Variants in CSMD3 observed in about 807,000 individuals in gnomAD.
CSMD3 encodes the protein CUB and Sushi multiple domains 3, also known as CUB and sushi domain-containing protein 3.
A neutral mutation model predicts 435.2 loss-of-function variants in CSMD3; 177 were observed. That is an observed-to-expected ratio of 0.41 (90% CI 0.36 to 0.46). CSMD3 has a LOEUF of 0.46. CSMD3 is among the 20% of genes least tolerant of loss of function. The pLI, the probability that CSMD3 is intolerant of heterozygous loss-of-function variation, is 0.34. For missense variants in CSMD3, 4,265 were observed against 4,504.6 expected (o/e 0.95, Z 1.52); for synonymous variants, 1,656 against 1,520.5 (o/e 1.09, Z -2.07).
chr8:113,038,023 G>GA (rs2087434423), intron 5 of CSMD3, among the ~76,000 whole-genome samples: 1 of 152,154 alleles, frequency 6.6e-6, no homozygotes, highest in Admixed American at 6.5e-5. Flanking sequence ...CTGTCATAGG[G>GA]AAAACATCAG....
chr8:113,323,282 T>G (rs2093961353), intron 1 of CSMD3, among the ~76,000 whole-genome samples: 1 of 152,148 alleles, frequency 6.6e-6, no homozygotes, highest in Non-Finnish European at 1.5e-5. Context: ...CTGTAGACAT[T>G]GAACACTCTT....
At chr8:112,296,468 G>A (rs1165204899) in intron 53 of CSMD3, among the ~76,000 whole-genome samples, 1 of 151,862 alleles carries the variant, frequency 6.6e-6, no homozygotes, top group Non-Finnish European at 1.5e-5. Flanking sequence ...GGTTAATGGC[G>A]TGAACCGGAA....
intron 45 of CSMD3, among the ~76,000 whole-genome samples, chr8:112,321,025 C>T (rs1822952212): frequency 6.6e-6 from 1 of 152,130 alleles, no homozygotes; most frequent in African/African-American, 2.4e-5. Context: ...CTACTATCCT[C>T]ACATGACATC....
intron 9 of CSMD3, among the ~76,000 whole-genome samples, chr8:112,924,114 T>A (rs1405815915): frequency 6.6e-6 from 1 of 152,170 alleles, no homozygotes; most frequent in African/African-American, 2.4e-5. Flanking sequence ...GATAAGGATT[T>A]TGACCCTCAT....
At chr8:113,113,170 G>A (rs2090714887) in intron 4 of CSMD3, among the ~76,000 whole-genome samples, 1 of 152,160 alleles carries the variant, frequency 6.6e-6, no homozygotes. Context: ...AAGTCTGCAA[G>A]TTTCCTAGAC....
chr8:112,544,757 T>C (rs1398173495), intron 27 of CSMD3, among the ~76,000 whole-genome samples: 1 of 152,236 alleles, frequency 6.6e-6, no homozygotes, highest in East Asian at 1.9e-4. Flanking sequence ...TGCTTGGGTG[T>C]TTCTTGACAG....
chr8:112,301,697 T>C, intron 53 of CSMD3, 96 bp downstream of exon 53: 2 of 888,358 alleles, frequency 2.3e-6, no homozygotes, highest in Non-Finnish European at 3.7e-6. Flanking sequence ...ACTGAATGAA[T>C]ATAAATTAGT....
At chr8:112,988,599 G>T (rs1587834976) in intron 6 of CSMD3, among the ~76,000 whole-genome samples, 2 of 151,898 alleles carry the variant, frequency 1.3e-5, no homozygotes, top group African/African-American at 4.8e-5. Flanking sequence ...TATCATTTTT[G>T]CCACCTTTGG....
At chr8:113,398,175 C>A (rs1038926097) in intron 1 of CSMD3, among the ~76,000 whole-genome samples, 4 of 152,120 alleles carry the variant, frequency 2.6e-5, no homozygotes, top group Non-Finnish European at 4.4e-5. Context: ...TAATTTTATA[C>A]TTTTATTCTT....
chr8:112,483,263 A>G (rs1176623836), intron 31 of CSMD3, among the ~76,000 whole-genome samples: 1 of 152,058 alleles, frequency 6.6e-6, no homozygotes, highest in African/African-American at 2.4e-5. Flanking sequence ...GGCAGAGTCC[A>G]GTGGATCACT....
intron 12 of CSMD3, among the ~76,000 whole-genome samples, chr8:112,801,422 T>C (rs867147571): frequency 3.9e-4 from 59 of 151,984 alleles, no homozygotes; most frequent in African/African-American, 1.4e-3. Context: ...TTATGGGAAT[T>C]TGTCACAAAG....
intron 27 of CSMD3, among the ~76,000 whole-genome samples, chr8:112,541,705 C>T (rs1227393918): frequency 6.6e-6 from 1 of 151,884 alleles, no homozygotes; most frequent in Non-Finnish European, 1.5e-5. Context: ...CCTTCTCAAA[C>T]TCTTCCCACC....
chr8:112,545,311 G>A (rs926868416), intron 27 of CSMD3, among the ~76,000 whole-genome samples: 6 of 151,272 alleles, frequency 4.0e-5, no homozygotes, highest in African/African-American at 1.2e-4. Context: ...GTGAAACCCC[G>A]TCTCTACTAA....
At chr8:112,458,223 A>ACACACACACACACC (rs1349315465) in intron 32 of CSMD3, among the ~76,000 whole-genome samples, 1 of 151,870 alleles carries the variant, frequency 6.6e-6, no homozygotes, top group Admixed American at 6.6e-5. Context: ...ACCCACACAC[A>ACACACACACACACC]CACAGAGAAA....
At chr8:112,392,193 T>C (rs892936553) in intron 35 of CSMD3, among the ~76,000 whole-genome samples, 1 of 151,952 alleles carries the variant, frequency 6.6e-6, no homozygotes, top group African/African-American at 2.4e-5. Flanking sequence ...GAATTTGTCC[T>C]AGTATGGCTA....
chr8:112,226,060 C>G (rs1812525067), intron 70 of CSMD3, among the ~76,000 whole-genome samples: 1 of 152,038 alleles, frequency 6.6e-6, no homozygotes, highest in African/African-American at 2.4e-5. Flanking sequence ...CGAATTTCAA[C>G]TATTAATTTT....
intron 13 of CSMD3, among the ~76,000 whole-genome samples, chr8:112,731,691 T>G (rs957962407): frequency 3.9e-5 from 6 of 152,122 alleles, no homozygotes. Flanking sequence ...GAGCTTGATA[T>G]GTGATTTTCC....
intron 5 of CSMD3, among the ~76,000 whole-genome samples, chr8:113,046,973 G>A (rs1462719060): frequency 6.6e-6 from 1 of 152,174 alleles, no homozygotes; most frequent in African/African-American, 2.4e-5. Flanking sequence ...TCTAGCTTTT[G>A]AGCTCAGAGA....
intron 3 of CSMD3, among the ~76,000 whole-genome samples, chr8:113,248,269 C>A (rs113411847): frequency 6.6e-5 from 10 of 151,330 alleles, no homozygotes; most frequent in African/African-American, 2.4e-4. Flanking sequence ...ACCTATCTTA[C>A]GTGTACCATT....
Sources: allele counts gnomAD v4.1 joint callset (sites outside exome capture counted in the v4.1 genomes callset), GRCh38; gene constraint gnomAD v4.1.1; transcripts MANE v1.5; gene names NCBI Gene and HGNC (gene_info 2026-07-23, HGNC 2026-07-21).